SLCO3A1: variants seen among roughly 807,000 people sequenced by gnomAD.
SLCO3A1 encodes solute carrier organic anion transporter family member 3A1, also known as PGE1 transporter.
SLCO3A1 carries 27 observed loss-of-function variants against 63.1 expected under a neutral mutation model. The ratio of observed to expected loss-of-function variants is 0.43; its 90% CI spans 0.32 to 0.59. SLCO3A1 has a LOEUF of 0.59. Ranked by LOEUF, SLCO3A1 falls within the 20% of genes least tolerant of loss-of-function variation. SLCO3A1 has a pLI of 0.09. For synonymous variants in SLCO3A1, 473 were observed against 409.9 expected (o/e 1.15, Z -1.86); for missense variants, 773 against 945.8 (o/e 0.82, Z 2.40).
chr15:91,995,205 C>T (rs528354778), intron 2 of SLCO3A1, among the ~76,000 whole-genome samples: 4 of 152,186 alleles, frequency 2.6e-5, no homozygotes, highest in South Asian at 2.1e-4. Flanking sequence ...TGGTGATTTA[C>T]GGGAGAGCAG....
At position 91,916,627 on chromosome 15, in the gene SLCO3A1, C is replaced by A. The variant is rs143293640; in HGVS notation, c.646+169C>A. Among the ~76,000 whole-genome samples the A allele has an allele frequency of 6.6e-6, 1 of 152,154 alleles. No individual in the cohort carries two copies. Among genetic ancestry groups the A allele is most frequent in the Admixed American group, 6.5e-5 (1 of 15,288 alleles). On this transcript the variant is annotated intron_variant, in intron 2 of 9. Transcript: ENST00000318445. The surrounding 1 kb of genome is among the most constrained non-coding windows in gnomAD (Gnocchi z 6.2). Reference sequence around the variant, plus strand: ...TGGGGGTGCAACCTGGGCATTGAGACGTTTTTAAAAGTTCCCAGGTGATTC... The same window carrying A: ...TGGGGGTGCAACCTGGGCATTGAGAAGTTTTTAAAAGTTCCCAGGTGATTC...
chr15:91,878,355 C>T (rs2151341165), intron 1 of SLCO3A1, among the ~76,000 whole-genome samples: 1 of 152,298 alleles, frequency 6.6e-6, no homozygotes, highest in East Asian at 1.9e-4. Context: ...GCTGGGATTA[C>T]AGGCGTGAGC....
At chr15:91,979,184 G>A (rs1015746918) in intron 2 of SLCO3A1, among the ~76,000 whole-genome samples, 2 of 152,146 alleles carry the variant, frequency 1.3e-5, no homozygotes, top group Non-Finnish European at 2.9e-5. Context: ...GGGACCAGAA[G>A]TGTTTCTAAT....
intron 7 of SLCO3A1, among the ~76,000 whole-genome samples, chr15:92,136,458 G>A (rs2048058662): frequency 6.6e-6 from 1 of 152,146 alleles, no homozygotes; most frequent in Non-Finnish European, 1.5e-5. Context: ...TTCATCAATA[G>A]AAAACAAATG....
chr15:91,880,098 T>TGTCCGTCC lies in SLCO3A1; in HGVS notation c.180+26039_180+26046dup, dbSNP rs61664916. On this transcript the variant is annotated intron_variant, in intron 1 of 9. Coordinates refer to ENST00000318445, the MANE Select transcript of SLCO3A1 (RefSeq NM_013272.4). Reference sequence around the variant, plus strand: ...ATGCTCCTCAACCTGCTTGTATGTGTGTCCGTCCGTCCGTCCGTCCGTCCG... The same window carrying TGTCCGTCC: ...ATGCTCCTCAACCTGCTTGTATGTGTGTCCGTCCGTCCGTCCGTCCGTCCGTCCGTCCG... 3.9e-4 allele frequency among the ~76,000 whole-genome samples: 38 copies of TGTCCGTCC among 97,850 alleles called. 2 individuals carry two copies. The highest frequency in any genetic ancestry group is 3.4e-4 in the Admixed American group (3 of 8,914). The allele number at this position is 97,850 out of a possible 152,430, so 64.2% of individuals were successfully genotyped here.
intron 5 of SLCO3A1, among the ~76,000 whole-genome samples, chr15:92,122,153 A>G (rs1183462054): frequency 2.6e-5 from 4 of 152,082 alleles, no homozygotes; most frequent in African/African-American, 9.7e-5. Context: ...GATTTGCAGC[A>G]GAGAGAGGGA....
chr15:92,032,570 C>T (rs143996757), intron 2 of SLCO3A1, among the ~76,000 whole-genome samples: 81 of 152,282 alleles, frequency 5.3e-4, no homozygotes, highest in African/African-American at 1.6e-3. Flanking sequence ...TCAGATTTTA[C>T]TGTGCATGTA....
rs1482504297 is a variant in SLCO3A1 at position 91,950,871 on chromosome 15, TCCA to T, written c.646+34417_646+34419del. ...CCACAGCCAGGGAGCCACCCTTTAC[TCCA>T]CCAACAGGTGGCTTATATCCAATCT... On this transcript the variant is annotated intron_variant, in intron 2 of 9. Transcript: ENST00000318445. This position sits in a 1 kb window ranked among gnomAD's most constrained non-coding sequence, Gnocchi z 4.4. 6.6e-6 allele frequency among the ~76,000 whole-genome samples: 1 copy of T among 151,558 alleles called. No individual in the cohort carries two copies. Among genetic ancestry groups the T allele is most frequent in the Non-Finnish European group, 1.5e-5 (1 of 67,918 alleles).
chr15:92,052,505 G>A (rs1257529571), intron 2 of SLCO3A1, among the ~76,000 whole-genome samples: 1 of 152,092 alleles, frequency 6.6e-6, no homozygotes, highest in African/African-American at 2.4e-5. Flanking sequence ...TTCTTTCTCA[G>A]CAGTTTCCAG....
At chr15:91,946,049 C>T (rs552145790) in intron 2 of SLCO3A1, among the ~76,000 whole-genome samples, 30 of 152,300 alleles carry the variant, frequency 2.0e-4, no homozygotes, top group Admixed American at 3.9e-4. Context: ...TTGGTGATAG[C>T]GAAGTAAAAG....
At chr15:92,073,822 G>A (rs34585396) in intron 2 of SLCO3A1, among the ~76,000 whole-genome samples, 1 of 152,256 alleles carries the variant, frequency 6.6e-6, no homozygotes, top group Admixed American at 6.5e-5. Flanking sequence ...ACATGGCTCA[G>A]TGTTCCCTGG....
rs188311581 is a variant in SLCO3A1 at position 91,995,053 on chromosome 15, T to C, written c.646+78595T>C. ...AGGTTGTAGACTACAATGAATGATA[T>C]TCTGTGTTTAATTACATTATGCACA... is the stretch of plus-strand genomic sequence containing the variant. On this transcript the variant is annotated intron_variant, in intron 2 of 9. Coordinates refer to ENST00000318445, the MANE Select transcript of SLCO3A1 (RefSeq NM_013272.4). 1.6e-4 allele frequency among the ~76,000 whole-genome samples: 25 copies of C among 152,336 alleles called. 1 individual carries two copies. The highest frequency in any genetic ancestry group is 3.3e-4 in the Admixed American group (5 of 15,304).
At chr15:92,077,784 C>G (rs928137031) in intron 2 of SLCO3A1, among the ~76,000 whole-genome samples, 1 of 152,122 alleles carries the variant, frequency 6.6e-6, no homozygotes, top group Admixed American at 6.6e-5. Context: ...GGCGCTGGTT[C>G]CTTTGGAATT....
At chr15:92,085,585 C>T (rs2047395069) in intron 2 of SLCO3A1, among the ~76,000 whole-genome samples, 1 of 152,218 alleles carries the variant, frequency 6.6e-6, no homozygotes, top group African/African-American at 2.4e-5. Flanking sequence ...ACTCAAATAG[C>T]CATTTGTGTG....
At chr15:91,969,925 A>G (rs75776546) in intron 2 of SLCO3A1, among the ~76,000 whole-genome samples, 3 of 152,318 alleles carry the variant, frequency 2.0e-5, no homozygotes, top group Admixed American at 6.5e-5. Flanking sequence ...CGCAGTCATC[A>G]GTTTGGACTC....
At chr15:92,091,008 C>T (rs1343754513) in intron 2 of SLCO3A1, among the ~76,000 whole-genome samples, 2 of 152,144 alleles carry the variant, frequency 1.3e-5, no homozygotes, top group Non-Finnish European at 2.9e-5. Flanking sequence ...GGATTTGAAC[C>T]CAGGCTGTTC....
intron 2 of SLCO3A1, among the ~76,000 whole-genome samples, chr15:92,024,688 C>G (rs1366764799): frequency 6.6e-6 from 1 of 152,162 alleles, no homozygotes. Context: ...AATTTAACAT[C>G]TACACAAAGC....
At chr15:92,076,984 G>A (rs2047285360) in intron 2 of SLCO3A1, among the ~76,000 whole-genome samples, 2 of 152,186 alleles carry the variant, frequency 1.3e-5, no homozygotes, top group African/African-American at 2.4e-5. Flanking sequence ...CAGGATGGCT[G>A]GGAAAGCATC....
intron 2 of SLCO3A1, among the ~76,000 whole-genome samples, chr15:91,961,720 G>C (rs925821632): frequency 2.0e-5 from 3 of 152,172 alleles, no homozygotes; most frequent in African/African-American, 7.2e-5. Context: ...TTTACTCTTA[G>C]TCGCCTTACT....
Sources: allele counts gnomAD v4.1 joint callset (sites outside exome capture counted in the v4.1 genomes callset), GRCh38; gene constraint gnomAD v4.1.1; non-coding constraint Gnocchi (gnomAD v3.1); transcripts MANE v1.5; gene names NCBI Gene and HGNC (gene_info 2026-07-23, HGNC 2026-07-21).